The following DNAJC16 variants were observed in gnomAD, a reference collection of about 807,000 sequenced individuals.
The protein encoded by DNAJC16 is dnaJ homolog subfamily C member 16.
A neutral mutation model predicts 92.7 loss-of-function variants in DNAJC16; 76 were observed. The observed-to-expected ratio is 0.82, with a 90% confidence interval of 0.68 to 0.99. DNAJC16 has a LOEUF of 0.99. Ranked by LOEUF, DNAJC16 falls within the 50% of genes least tolerant of loss-of-function variation. DNAJC16 has a pLI of 0.00. For missense variants in DNAJC16, 869 were observed against 942.4 expected, an observed-to-expected ratio of 0.92 and a Z score of 1.02; for synonymous variants, 328 against 358.7, an observed-to-expected ratio of 0.91 and a Z score of 0.97.
intron 3 of DNAJC16, among the ~76,000 whole-genome samples, chr1:15,536,217 G>C (rs1238183741): frequency 6.6e-6 from 1 of 151,624 alleles, no homozygotes; most frequent in Non-Finnish European, 1.5e-5. Flanking sequence ...GGGATTACAG[G>C]CATGCGCCAC....
At chr1:15,539,796 G>T (rs1710888815) in intron 4 of DNAJC16, among the ~76,000 whole-genome samples, 1 of 152,078 alleles carries the variant, frequency 6.6e-6, no homozygotes, top group Non-Finnish European at 1.5e-5. Context: ...GATAGGCTGA[G>T]GTGCACAGAT....
intron 13 of DNAJC16, 26 bp downstream of exon 13, chr1:15,566,206 A>C: frequency 8.8e-6 from 14 of 1,583,540 alleles, no homozygotes; most frequent in Non-Finnish European, 1.1e-5. Flanking sequence ...CACCAGACTC[A>C]CCTCCCCGGC....
intron 8 of DNAJC16, among the ~76,000 whole-genome samples, chr1:15,560,826 C>T (rs1018161944): frequency 1.3e-5 from 2 of 152,112 alleles, no homozygotes; most frequent in Admixed American, 1.3e-4. Context: ...CGTCTCCCAG[C>T]GAGACCCCCC....
chr1:15,558,832 G>T (rs1325890714), intron 7 of DNAJC16, among the ~76,000 whole-genome samples: 2 of 152,140 alleles, frequency 1.3e-5, no homozygotes, highest in African/African-American at 2.4e-5. Flanking sequence ...GTTGCTTTGG[G>T]ATTTATTTTT....
intron 7 of DNAJC16, among the ~76,000 whole-genome samples, chr1:15,556,398 C>T (rs1033356905): frequency 2.4e-4 from 36 of 152,014 alleles, no homozygotes; most frequent in Admixed American, 8.5e-4. Context: ...CGCAATGCCC[C>T]GCTAATTTTT....
At chr1:15,557,653 CAG>C (rs1638596915) in intron 7 of DNAJC16, among the ~76,000 whole-genome samples, 1 of 151,748 alleles carries the variant, frequency 6.6e-6, no homozygotes, top group Admixed American at 6.6e-5. Context: ...ATATGTATCT[CAG>C]AGTTCTTATA....
Position 15,564,333 on chromosome 1 carries a change from C to A in DNAJC16, c.1572C>A (p.Cys524Ter). ...CTGCTTCTGACTACATCTCAGACTG[C>A]TGGGATAGCATTTTTCACAACAACT... is the stretch of plus-strand genomic sequence containing the variant. The part of the protein sequence containing the change: ...FYSASDYISD[C>*]WDSIFHNNWR... Residue 524 changes from cysteine to a stop codon, truncating the protein, a stop_gained, in exon 11 of 15, where the codon TGC becomes TGA. Coordinates refer to ENST00000375847, the MANE Select transcript of DNAJC16 (RefSeq NM_015291.4). LOFTEE classifies it high-confidence loss of function. 6.2e-7 allele frequency: 1 copy of A among 1,609,916 alleles called. No homozygotes were observed. The highest frequency in any genetic ancestry group is 8.5e-7 in the Non-Finnish European group (1 of 1,176,148).
intron 7 of DNAJC16, among the ~76,000 whole-genome samples, chr1:15,556,271 G>C (rs1005138201): frequency 6.6e-6 from 1 of 151,698 alleles, no homozygotes; most frequent in Non-Finnish European, 1.5e-5. Context: ...GTCTTGCTCT[G>C]TCGCCCAGGC....
intron 11 of DNAJC16, chr1:15,565,566 A>G (rs986714256): frequency 8.7e-6 from 2 of 231,124 alleles, no homozygotes; most frequent in Non-Finnish European, 1.7e-5. Context: ...CCAGAAAAAA[A>G]TCAGTAAAGT....
chr1:15,567,655 G>A (rs1365008758), intron 14 of DNAJC16, 123 bp from the exon 15 acceptor site: 2 of 1,109,782 alleles, frequency 1.8e-6, no homozygotes, highest in African/African-American at 1.6e-5. Flanking sequence ...TTTTCTCTGT[G>A]TTCAGGCCCC....
In DNAJC16 at chr1:15,568,673, AAAG is replaced by A; in HGVS notation, c.*497_*499del. On this transcript the variant is annotated 3_prime_UTR_variant, in exon 15 of 15. Coordinates refer to ENST00000375847, the MANE Select transcript of DNAJC16 (RefSeq NM_015291.4). ...GCAGCTTCTAGCCCCGCATCTGGAAAAAGGCCCCTTTCCAAGCAATCTCACGTT... is the reference window on the plus strand; with the variant it reads ...GCAGCTTCTAGCCCCGCATCTGGAAAGCCCCTTTCCAAGCAATCTCACGTT... 1 of 399,226 alleles carries A rather than the reference AAAG, an allele frequency of 2.5e-6. No individual in the cohort carries two copies. Among genetic ancestry groups the A allele is most frequent in the East Asian group, 3.6e-5 (1 of 28,088 alleles). 24.7% of individuals were successfully genotyped at this position (399,226 alleles called of 1,614,324 possible).
chr1:15,555,957 C>T (rs1211600224), intron 7 of DNAJC16, among the ~76,000 whole-genome samples: 7 of 146,860 alleles, frequency 4.8e-5, no homozygotes, highest in Admixed American at 2.8e-4. Context: ...TGCCATTGCA[C>T]TTCAGCCTGG....
intron 3 of DNAJC16, among the ~76,000 whole-genome samples, chr1:15,536,260 A>G (rs1710781128): frequency 6.6e-6 from 1 of 151,446 alleles, no homozygotes; most frequent in Admixed American, 6.6e-5. Flanking sequence ...TTGTATTTTT[A>G]GTAGAGACGG....
intron 8 of DNAJC16, among the ~76,000 whole-genome samples, chr1:15,561,107 TC>T (rs144135209): frequency 1.0e-4 from 15 of 150,596 alleles, no homozygotes; most frequent in Non-Finnish European, 8.9e-5. Context: ...CCCCTTTTCA[TC>T]TTTTTTTTTT....
At chr1:15,548,808 T>C (rs1039423126) in intron 7 of DNAJC16, among the ~76,000 whole-genome samples, 7 of 152,176 alleles carry the variant, frequency 4.6e-5, no homozygotes, top group African/African-American at 1.7e-4. Context: ...GGAAAAATCT[T>C]GGAAAATCTT....
rs1233604406 is a variant in DNAJC16 at position 15,544,525 on chromosome 1, T to A, written c.701T>A (p.Val234Asp). 1 of 1,614,070 alleles carries A rather than the reference T, an allele frequency of 6.2e-7. No homozygotes were observed. Among genetic ancestry groups the A allele is most frequent in the South Asian group, 1.1e-5 (1 of 91,088 alleles). Residue 234 changes from valine (V) to aspartate (D), a missense_variant, in exon 5 of 15, where the codon GTC (valine) becomes GAC (aspartate). Transcript: ENST00000375847. ...GKISFFHNAV[V>D]RENLRQFVES... ...ATCTCCTTCTTCCACAATGCAGTTG[T>A]CCGTGAAAATCTGCGACAATTTGTA...
intron 7 of DNAJC16, among the ~76,000 whole-genome samples, chr1:15,551,558 T>C (rs573813197): frequency 6.6e-6 from 1 of 151,892 alleles, no homozygotes; most frequent in South Asian, 2.1e-4. Context: ...TCATGACAGC[T>C]TCTCAGAATT....
intron 8 of DNAJC16, among the ~76,000 whole-genome samples, chr1:15,560,664 T>G (rs1194539203): frequency 6.6e-6 from 1 of 152,200 alleles, no homozygotes. Flanking sequence ...GATTCCTTTA[T>G]AGTCTTAAGA....
chr1:15,527,964 A>ATT (rs1710559297), intron 1 of DNAJC16, among the ~76,000 whole-genome samples: 1 of 152,240 alleles, frequency 6.6e-6, no homozygotes. Context: ...CCTGTTCATT[A>ATT]ACCAGCCAGG....
Sources: allele counts gnomAD v4.1 joint callset (sites outside exome capture counted in the v4.1 genomes callset), GRCh38; gene constraint gnomAD v4.1.1; transcripts MANE v1.5; gene names NCBI Gene and HGNC (gene_info 2026-07-23, HGNC 2026-07-21).